Variants in GALNTL6 observed in about 807,000 individuals in gnomAD.
GALNTL6 encodes the protein polypeptide N-acetylgalactosaminyltransferase like 6, also known as polypeptide N-acetylgalactosaminyltransferase-like 6.
GALNTL6 carries 46 observed loss-of-function variants against 73.7 expected under a neutral mutation model. The ratio of observed to expected loss-of-function variants is 0.62; its 90% CI spans 0.49 to 0.80. GALNTL6 has a LOEUF of 0.80. Ranked by LOEUF, GALNTL6 falls within the 30% of genes least tolerant of loss-of-function variation. The pLI, the probability that GALNTL6 is intolerant of heterozygous loss-of-function variation, is 0.00. For missense variants in GALNTL6, 604 were observed against 755.0 expected (o/e 0.80, Z 2.34); for synonymous variants, 259 against 263.7 (o/e 0.98, Z 0.17).
intron 2 of GALNTL6, among the ~76,000 whole-genome samples, chr4:171,840,117 A>G (rs1002800810): frequency 1.3e-5 from 2 of 152,170 alleles, no homozygotes; most frequent in Non-Finnish European, 2.9e-5. Context: ...GTTTAACCAC[A>G]TGGCACACAA....
At position 172,509,659 on chromosome 4, in the gene GALNTL6, G is replaced by A. The variant is rs1734424152; in HGVS notation, c.553+160970G>A. ...AGGATCCAGTTTCTTTCTTCTACAT[G>A]TGGCTAGCCAATCATCCCAGCACCA... On this transcript the variant is annotated intron_variant, in intron 5 of 12. Transcript: ENST00000506823. Among the ~76,000 whole-genome samples the A allele has an allele frequency of 3.6e-5, 2 of 55,006 alleles. 1 individual carries two copies. Among genetic ancestry groups the A allele is most frequent in the African/African-American group, 9.0e-5 (2 of 22,136 alleles). The allele number at this position is 55,006 out of a possible 152,430, so 36.1% of individuals were successfully genotyped here.
intron 5 of GALNTL6, among the ~76,000 whole-genome samples, chr4:172,562,988 G>A (rs1736430425): frequency 6.6e-6 from 1 of 152,160 alleles, no homozygotes; most frequent in Admixed American, 6.5e-5. Context: ...ATTGCACACA[G>A]TGTTCCTATA....
At chr4:171,852,661 T>G (rs1054793736) in intron 2 of GALNTL6, among the ~76,000 whole-genome samples, 2 of 152,108 alleles carry the variant, frequency 1.3e-5, no homozygotes, top group African/African-American at 4.8e-5. Flanking sequence ...AGAAAACCCA[T>G]GTATCATGAT....
At chr4:172,517,457 T>C (rs1443009716) in intron 5 of GALNTL6, among the ~76,000 whole-genome samples, 1 of 152,102 alleles carries the variant, frequency 6.6e-6, no homozygotes, top group Non-Finnish European at 1.5e-5. Context: ...GTGGAGGTCG[T>C]ATACTGATCA....
chr4:172,263,022 C>T (rs1256091625), intron 3 of GALNTL6, among the ~76,000 whole-genome samples: 1 of 151,326 alleles, frequency 6.6e-6, no homozygotes, highest in Non-Finnish European at 1.5e-5. Flanking sequence ...TATAAGTTAC[C>T]TGAATCTTTT....
intron 7 of GALNTL6, among the ~76,000 whole-genome samples, chr4:172,864,411 G>T (rs1335363529): frequency 1.3e-5 from 2 of 152,180 alleles, no homozygotes; most frequent in Non-Finnish European, 2.9e-5. Flanking sequence ...AGCTTACAGT[G>T]TTGGAAAAAC....
chr4:172,769,788 G>C (rs1016697720), intron 5 of GALNTL6, among the ~76,000 whole-genome samples: 1 of 152,140 alleles, frequency 6.6e-6, no homozygotes, highest in Non-Finnish European at 1.5e-5. Flanking sequence ...AAATAGCATT[G>C]CTGATGCTTT....
At chr4:172,901,672 GA>G (rs1561023519) in intron 8 of GALNTL6, among the ~76,000 whole-genome samples, 2 of 152,030 alleles carry the variant, frequency 1.3e-5, no homozygotes, top group South Asian at 2.1e-4. Context: ...ATGGCCGAAC[GA>G]AAAAAATTCC....
chr4:172,045,948 G>T (rs1742208432), intron 2 of GALNTL6, among the ~76,000 whole-genome samples: 1 of 151,968 alleles, frequency 6.6e-6, no homozygotes, highest in South Asian at 2.1e-4. Context: ...AACTTGTGCT[G>T]TCTGTCTTAT....
chr4:172,924,127 ACAT>A (rs1416845038), intron 8 of GALNTL6, among the ~76,000 whole-genome samples: 1 of 152,164 alleles, frequency 6.6e-6, no homozygotes, highest in Non-Finnish European at 1.5e-5. Context: ...AAAAAATCCA[ACAT>A]CATAAAAACC....
intron 2 of GALNTL6, among the ~76,000 whole-genome samples, chr4:171,989,530 T>C (rs955890360): frequency 6.6e-6 from 1 of 152,208 alleles, no homozygotes; most frequent in African/African-American, 2.4e-5. Context: ...GAGGAACCCC[T>C]GGCAGCTGCG....
chr4:171,967,458 T>TTGTTTGTTTG (rs1560863220), intron 2 of GALNTL6, among the ~76,000 whole-genome samples: 4 of 150,556 alleles, frequency 2.7e-5, no homozygotes, highest in East Asian at 2.0e-4. Context: ...TTTTTTTTTT[T>TTGTTTGTTTG]TTTTTTTGTA....
At chr4:172,605,743 G>A (rs1198674722) in intron 5 of GALNTL6, among the ~76,000 whole-genome samples, 3 of 152,026 alleles carry the variant, frequency 2.0e-5, no homozygotes, top group Non-Finnish European at 2.9e-5. Flanking sequence ...GATAAAATCT[G>A]GGTTCTTATC....
At position 171,934,407 on chromosome 4, in the gene GALNTL6, A is replaced by G. The variant is rs1393037701; in HGVS notation, c.138+119689A>G. Among the ~76,000 whole-genome samples, 3 of 152,172 alleles carry G rather than the reference A, an allele frequency of 2.0e-5. No individual in the cohort carries two copies. The South Asian group carries it at 6.2e-4, about 32-fold the overall frequency. On this transcript the variant is annotated intron_variant, in intron 2 of 12. Transcript: ENST00000506823. ...TGTATGTATGTATATCTATCTGTGCATTTACTTATTTATTTTTGAGACAGG... is the reference window on the plus strand; with the variant it reads ...TGTATGTATGTATATCTATCTGTGCGTTTACTTATTTATTTTTGAGACAGG...
At chr4:172,596,460 G>GGA (rs1737860703) in intron 5 of GALNTL6, among the ~76,000 whole-genome samples, 1 of 140,434 alleles carries the variant, frequency 7.1e-6, no homozygotes, top group Non-Finnish European at 1.5e-5. Context: ...AAAAAAAAAA[G>GGA]AAAAAAAAAA....
chr4:172,271,808 A>G (rs140323674), intron 3 of GALNTL6, among the ~76,000 whole-genome samples: 7 of 152,092 alleles, frequency 4.6e-5, no homozygotes, highest in Admixed American at 2.6e-4. Flanking sequence ...TGATGAAAGA[A>G]ACTAAGCATC....
intron 2 of GALNTL6, among the ~76,000 whole-genome samples, chr4:172,018,531 T>G (rs1412198208): frequency 6.6e-6 from 1 of 152,016 alleles, no homozygotes; most frequent in South Asian, 2.1e-4. Flanking sequence ...TCCCACACAG[T>G]TGGCAAGCCT....
intron 2 of GALNTL6, among the ~76,000 whole-genome samples, chr4:172,131,997 T>C (rs1470775793): frequency 6.6e-6 from 1 of 152,076 alleles, no homozygotes; most frequent in Non-Finnish European, 1.5e-5. Flanking sequence ...TCAGAGTATT[T>C]ATTGAGCACT....
intron 5 of GALNTL6, among the ~76,000 whole-genome samples, chr4:172,450,215 TAA>T (rs55660692): frequency 1.4e-5 from 2 of 142,944 alleles, no homozygotes; most frequent in Non-Finnish European, 1.5e-5. Flanking sequence ...GAAACTCCAT[TAA>T]AAAAAAAAAA....
Sources: allele counts gnomAD v4.1 joint callset (sites outside exome capture counted in the v4.1 genomes callset), GRCh38; gene constraint gnomAD v4.1.1; transcripts MANE v1.5; gene names NCBI Gene and HGNC (gene_info 2026-07-23, HGNC 2026-07-21).